The following THADA variants were observed in gnomAD, a reference collection of about 807,000 sequenced individuals.
THADA encodes the protein THADA armadillo repeat containing.
In THADA, 213 loss-of-function variants were observed where a neutral mutation model predicts 219.8. That is an observed-to-expected ratio of 0.97 (90% CI 0.87 to 1.09). The LOEUF (loss-of-function observed/expected upper bound fraction) is 1.09, where lower values mean the gene tolerates loss of function less well. THADA is among the 50% of genes least tolerant of loss of function. The pLI, the probability that THADA is intolerant of heterozygous loss-of-function variation, is 0.00. For synonymous variants in THADA, 1,018 were observed against 828.9 expected, an observed-to-expected ratio of 1.23 and a Z score of -3.92; for missense variants, 2,956 against 2,311.3, an observed-to-expected ratio of 1.28 and a Z score of -5.72.
intron 29 of THADA, among the ~76,000 whole-genome samples, chr2:43,367,134 C>G (rs1670247453): frequency 6.6e-6 from 1 of 152,098 alleles, no homozygotes. Context: ...AGTAGTCAAA[C>G]TCACAGACAC....
Position 43,344,150 on chromosome 2 carries a change from T to C in THADA, c.4315A>G (p.Thr1439Ala). 2 of 1,611,562 alleles carry C rather than the reference T, an allele frequency of 1.2e-6. No individual in the cohort carries two copies. The highest frequency in any genetic ancestry group is 1.7e-6 in the Non-Finnish European group (2 of 1,178,952). ...QHELTDITVC[T>A]KAKLWLAKRQ... ...TTGGCCAGCCAGAGTTTGGCTTTGGTACAAACAGTGATGTCAGTCAGCTCG... is the reference window on the plus strand; with the variant it reads ...TTGGCCAGCCAGAGTTTGGCTTTGGCACAAACAGTGATGTCAGTCAGCTCG... Residue 1439 changes from threonine (T) to alanine (A), a missense_variant, in exon 30 of 38, where the codon ACC (threonine) becomes GCC (alanine). Thr to Ala is a moderately conservative substitution (Grantham distance 58). Transcript: ENST00000405975.
chr2:43,399,992 C>T lies in THADA; in HGVS notation c.4059-1853G>A, dbSNP rs114460984. On this transcript the variant is annotated intron_variant, in intron 28 of 37. Transcript: ENST00000405975. ...GGAAGCTTCCCCTTCTGTCTGTCCC[C>T]GACCTCTCCAACACACACACTTTGT... Among the ~76,000 whole-genome samples, 4 of 152,304 alleles carry T rather than the reference C, an allele frequency of 2.6e-5. No homozygotes were observed. The South Asian group carries it at 6.2e-4, about 24-fold the overall frequency.
intron 26 of THADA, among the ~76,000 whole-genome samples, chr2:43,458,270 G>A (rs568569070): frequency 1.3e-5 from 2 of 152,264 alleles, no homozygotes; most frequent in East Asian, 1.9e-4. Flanking sequence ...ATGACTCACA[G>A]GGAGCCCAGG....
chr2:43,249,651 TTGGCTGTACCAGCCA>T (rs1471039629), intron 36 of THADA, among the ~76,000 whole-genome samples: 4 of 152,216 alleles, frequency 2.6e-5, no homozygotes, highest in Non-Finnish European at 5.9e-5. Context: ...CACTAGTGGA[TTGGCTGTACCAGCCA>T]TGGGTATTTT....
intron 34 of THADA, among the ~76,000 whole-genome samples, chr2:43,287,638 C>G (rs1674195861): frequency 1.3e-5 from 2 of 152,182 alleles, no homozygotes; most frequent in South Asian, 4.1e-4. Flanking sequence ...TATGAGAACA[C>G]TGGCATACAT....
intron 36 of THADA, among the ~76,000 whole-genome samples, chr2:43,234,436 TTGC>T (rs1667790607): frequency 6.6e-6 from 1 of 152,158 alleles, no homozygotes. Flanking sequence ...CCCATGCTGC[TTGC>T]TCTGCAGCCT....
chr2:43,468,404 A>G (rs139211315), intron 26 of THADA, among the ~76,000 whole-genome samples: 53 of 152,298 alleles, frequency 3.5e-4, no homozygotes, highest in Non-Finnish European at 6.0e-4. Flanking sequence ...TCTTTTTACC[A>G]TTTTCTACTG....
intron 36 of THADA, among the ~76,000 whole-genome samples, chr2:43,262,715 C>T (rs986486831): frequency 6.6e-5 from 10 of 152,166 alleles, no homozygotes; most frequent in South Asian, 4.1e-4. Context: ...GTCTAACAAA[C>T]GTATTTGTAC....
chr2:43,407,856 G>A (rs1432944906), intron 28 of THADA, among the ~76,000 whole-genome samples: 1 of 151,818 alleles, frequency 6.6e-6, no homozygotes, highest in African/African-American at 2.4e-5. Context: ...ATAGTCTATG[G>A]GAACATAAAA....
chr2:43,315,314 A>G (rs1231455234), intron 31 of THADA, among the ~76,000 whole-genome samples: 3 of 152,196 alleles, frequency 2.0e-5, no homozygotes, highest in Admixed American at 2.0e-4. Context: ...CCACCATTCT[A>G]AAATAATTCC....
chr2:43,291,801 A>G, intron 33 of THADA, 33 bp from the exon 34 acceptor site: 1 of 1,518,504 alleles, frequency 6.6e-7, no homozygotes, highest in Non-Finnish European at 8.9e-7. Context: ...AAACAACACA[A>G]AATTACAATC....
In THADA at chr2:43,293,046, C is replaced by A. The variant is rs751650394; in HGVS notation, c.4606G>T (p.Glu1536Ter). The change falls in exon 32 of 38, where the codon GAG becomes TAG. Residue 1536 changes from glutamate to a stop codon, truncating the protein, a stop_gained. Coordinates refer to ENST00000405975, the MANE Select transcript of THADA (RefSeq NM_022065.5). LOFTEE classifies it high-confidence loss of function. ...AVWAAAAKSG[E>*]RETNVPISFS... Reference sequence around the variant, plus strand: ...GAGATGGGGACATTCGTCTCCCGCTCTCCACTCTTGGCTGCCGCGGCCCAC... The same window carrying A: ...GAGATGGGGACATTCGTCTCCCGCTATCCACTCTTGGCTGCCGCGGCCCAC... The A allele has an allele frequency of 6.2e-7, 1 of 1,614,014 alleles. No individual in the cohort carries two copies.
intron 29 of THADA, among the ~76,000 whole-genome samples, chr2:43,365,896 A>G (rs928797807): frequency 3.3e-5 from 5 of 152,184 alleles, no homozygotes; most frequent in Admixed American, 1.3e-4. Context: ...TCCCAATCTA[A>G]TGAGGGGTGC....
intron 36 of THADA, among the ~76,000 whole-genome samples, chr2:43,255,417 A>C (rs767728713): frequency 3.3e-5 from 5 of 152,218 alleles, no homozygotes; most frequent in African/African-American, 7.2e-5. Flanking sequence ...CTTGGGTTAC[A>C]AGAGGCTTTG....
chr2:43,512,352 A>C (rs1344553272), intron 22 of THADA, among the ~76,000 whole-genome samples: 1 of 152,186 alleles, frequency 6.6e-6, no homozygotes, highest in African/African-American at 2.4e-5. Flanking sequence ...CTTGCTTCTC[A>C]GCTCTGCACC....
intron 26 of THADA, among the ~76,000 whole-genome samples, chr2:43,461,177 A>G (rs1020367231): frequency 3.3e-5 from 5 of 152,222 alleles, no homozygotes; most frequent in African/African-American, 1.2e-4. Flanking sequence ...TAGGAGTAAC[A>G]TAATGAACTG....
At position 43,591,948 on chromosome 2, in the gene THADA, T is replaced by C. The variant is rs555038421; in HGVS notation, c.171+4A>G. The C allele has an allele frequency of 4.6e-6, 7 of 1,512,616 alleles. No individual in the cohort carries two copies. In the South Asian group the frequency reaches 7.8e-5, roughly 17 times the overall value. The allele number at this position is 1,512,616 out of a possible 1,614,324, so 93.7% of individuals were successfully genotyped here. Reference sequence around the variant, plus strand: ...TGCATCCATGAATATCAATTCAGACTTACCTGTTTAATATAATGGATTTGT... The same window carrying C: ...TGCATCCATGAATATCAATTCAGACCTACCTGTTTAATATAATGGATTTGT... On this transcript the variant is annotated splice_donor_region_variant and intron_variant, in intron 3 of 37. Transcript: ENST00000405975.
chr2:43,394,721 G>GGT (rs1673817014), intron 29 of THADA, among the ~76,000 whole-genome samples: 1 of 152,224 alleles, frequency 6.6e-6, no homozygotes, highest in Non-Finnish European at 1.5e-5. Flanking sequence ...GGACAACACA[G>GGT]GTGTGACACC....
At chr2:43,469,347 G>T (rs1378812065) in intron 26 of THADA, among the ~76,000 whole-genome samples, 2 of 152,136 alleles carry the variant, frequency 1.3e-5, no homozygotes, top group Non-Finnish European at 2.9e-5. Flanking sequence ...AGCAGATAAG[G>T]TGAAAAGGGC....
Sources: gnomAD v4.1 joint callset for allele counts (sites outside exome capture counted in the v4.1 genomes callset) on GRCh38, gnomAD v4.1.1 for gene constraint, MANE v1.5 for transcripts, NCBI Gene and HGNC (gene_info 2026-07-23, HGNC 2026-07-21) for gene names.